The following CACNA1G variants were observed in gnomAD, a reference collection of about 807,000 sequenced individuals.
The protein encoded by CACNA1G is calcium voltage-gated channel subunit alpha1 G, also known as voltage-dependent T-type calcium channel subunit alpha-1G.
A neutral mutation model predicts 219.4 loss-of-function variants in CACNA1G; 67 were observed. The ratio of observed to expected loss-of-function variants is 0.31; its 90% CI spans 0.25 to 0.37. CACNA1G has a LOEUF of 0.37. Ranked by LOEUF, CACNA1G falls within the 10% of genes least tolerant of loss-of-function variation. The pLI, the probability that CACNA1G is intolerant of heterozygous loss-of-function variation, is 1.00. For missense variants in CACNA1G, 2,380 were observed against 3,231.4 expected (o/e 0.74, Z 6.39); for synonymous variants, 1,296 against 1,345.3 (o/e 0.96, Z 0.80).
chr17:50,625,606 G>A (rs953490724), intron 37 of CACNA1G, among the ~76,000 whole-genome samples: 3 of 152,176 alleles, frequency 2.0e-5, no homozygotes, highest in Non-Finnish European at 4.4e-5. Context: ...ACCTGAGTCC[G>A]TAAAATCGAG....
chr17:50,626,991 C>A lies in CACNA1G; in HGVS notation c.*240C>A. ...CCCGGTGCAGCTGAGGTTCCCGACA[C>A]CAGAAGCTGTTGGGAGAAAGCAATA... On this transcript the variant is annotated 3_prime_UTR_variant, in exon 38 of 38. Transcript: ENST00000359106. This position sits in a 1 kb window ranked among gnomAD's most constrained non-coding sequence, Gnocchi z 4.3. The A allele has an allele frequency of 1.5e-6, 1 of 680,510 alleles. No homozygotes were observed. Among genetic ancestry groups the A allele is most frequent in the Non-Finnish European group, 2.7e-6 (1 of 372,522 alleles). The allele number at this position is 680,510 out of a possible 1,614,324, so 42.2% of individuals were successfully genotyped here.
intron 22 of CACNA1G, among the ~76,000 whole-genome samples, chr17:50,604,550 G>A (rs1180261671): frequency 3.3e-5 from 5 of 152,244 alleles, no homozygotes; most frequent in Non-Finnish European, 5.9e-5. Context: ...CCCTCTGCAC[G>A]CACTCCCTGA....
chr17:50,624,616 C>A, intron 37 of CACNA1G, 87 bp downstream of exon 37: 1 of 1,272,264 alleles, frequency 7.9e-7, no homozygotes, highest in Non-Finnish European at 1.1e-6. Context: ...TTCATTCTTC[C>A]AGCAAATATT....
intron 9 of CACNA1G, among the ~76,000 whole-genome samples, chr17:50,586,024 C>G (rs1435976697): frequency 6.6e-6 from 1 of 152,156 alleles, no homozygotes; most frequent in Non-Finnish European, 1.5e-5. Context: ...CTCTGCTCAG[C>G]TCTGACGAGG....
intron 27 of CACNA1G, 49 bp from the exon 28 acceptor site, chr17:50,616,226 C>T (rs2050568355): frequency 8.3e-7 from 1 of 1,202,354 alleles, no homozygotes; most frequent in Admixed American, 1.8e-5. Flanking sequence ...GGGACAAGCC[C>T]CAGCCCTGGG....
chr17:50,566,765 G>T (rs2037989219), intron 1 of CACNA1G, among the ~76,000 whole-genome samples: 1 of 152,212 alleles, frequency 6.6e-6, no homozygotes, highest in Non-Finnish European at 1.5e-5. Flanking sequence ...CTCCGTGCCA[G>T]GCACTACAGC....
chr17:50,561,358 A>G lies in CACNA1G; in HGVS notation c.-102A>G. The G allele has an allele frequency of 6.9e-7, 1 of 1,453,900 alleles. No individual in the cohort carries two copies. The highest frequency in any genetic ancestry group is 9.3e-7 in the Non-Finnish European group (1 of 1,077,376). 90.1% of individuals were successfully genotyped at this position (1,453,900 alleles called of 1,614,324 possible). On this transcript the variant is annotated 5_prime_UTR_variant, in exon 1 of 38. Coordinates refer to ENST00000359106, the MANE Select transcript of CACNA1G (RefSeq NM_018896.5). ...CTCAGCTTGCGCCCTAGAGCCCACC[A>G]GATGTGCCCCCGCCGGGGCCCCCGG...
chr17:50,606,860 T>G, intron 23 of CACNA1G, 40 bp from the exon 24 acceptor site: 1 of 1,472,242 alleles, frequency 6.8e-7, no homozygotes, highest in South Asian at 1.1e-5. Context: ...CAGCCACACA[T>G]CCTAGACTTC....
chr17:50,572,073 G>A (rs746875408), intron 5 of CACNA1G, 36 bp downstream of exon 5: 28 of 1,597,602 alleles, frequency 1.8e-5, no homozygotes, highest in African/African-American at 1.1e-4. Flanking sequence ...GGACCTGGGA[G>A]TGGTTATGGG....
rs983364316 is a variant in CACNA1G, at chr17:50,617,331, C to A, written c.5022-107C>A. 2 of 1,270,982 alleles carry A rather than the reference C, an allele frequency of 1.6e-6. No individual in the cohort carries two copies. Among genetic ancestry groups the A allele is most frequent in the Non-Finnish European group, 2.2e-6 (2 of 926,864 alleles). 78.7% of individuals were successfully genotyped at this position (1,270,982 alleles called of 1,614,324 possible). The stretch of plus-strand genomic sequence containing the variant: ...TCTCTGTGGGATGGGAGGCTGGACC[C>A]GCTGATGTCTGCCCTCCTTTCAAGC... On this transcript the variant is annotated intron_variant, in intron 28 of 37. Transcript: ENST00000359106. The surrounding 1 kb of genome is among the most constrained non-coding windows in gnomAD (Gnocchi z 5.8).
At chr17:50,590,974 C>T (rs12937450) in intron 10 of CACNA1G, among the ~76,000 whole-genome samples, 65,364 of 151,894 alleles carry the variant, frequency 0.43, 14,885 homozygotes, top group East Asian at 0.89. Context: ...GTATGAGGCC[C>T]AGCCAGCTGC....
At chr17:50,561,779 A>T in intron 1 of CACNA1G, 78 bp downstream of exon 1, 1 of 1,134,420 alleles carries the variant, frequency 8.8e-7, no homozygotes, top group Non-Finnish European at 1.1e-6. Flanking sequence ...GGGGGGAAGA[A>T]GACCCACCGC....
chr17:50,576,489 C>T (rs945587322), intron 8 of CACNA1G, among the ~76,000 whole-genome samples, 163 bp downstream of exon 8: 2 of 152,202 alleles, frequency 1.3e-5, no homozygotes, highest in Non-Finnish European at 1.5e-5. Flanking sequence ...GCTATGAGCT[C>T]GAATTTTCTC....
chr17:50,593,535 G>A (rs1157888924), intron 13 of CACNA1G, among the ~76,000 whole-genome samples: 2 of 152,266 alleles, frequency 1.3e-5, no homozygotes, highest in Non-Finnish European at 2.9e-5. Context: ...GCAGCTGAGC[G>A]GCCTGGTTGC....
chr17:50,599,528 A>T lies in CACNA1G; in HGVS notation c.3359A>T (p.Lys1120Met), dbSNP rs752054817. 1 of 1,612,040 alleles carries T rather than the reference A, an allele frequency of 6.2e-7. No individual in the cohort carries two copies. Among genetic ancestry groups the T allele is most frequent in the Non-Finnish European group, 8.5e-7 (1 of 1,179,196 alleles). Residue 1120 changes from lysine to methionine, a missense_variant, in exon 17 of 38, where the codon AAG becomes ATG. Physicochemically the swap from Lys to Met is moderately conservative, Grantham distance 95. Around this residue, in one of 17 missense-constraint regions of CACNA1G, gnomAD observed 418 missense variants for 434.3 expected, o/e 0.96. Transcript: ENST00000359106. ...AGCCTCGGCCGTGCACCCAGCCTGA[A>T]GCGGAGAAGCCCAAGTGGAGAGCGG... The part of the protein sequence containing the change: ...RNSLGRAPSL[K>M]RRSPSGERRS...
At chr17:50,584,289 G>C (rs141028382) in intron 9 of CACNA1G, among the ~76,000 whole-genome samples, 4 of 152,042 alleles carry the variant, frequency 2.6e-5, no homozygotes, top group Non-Finnish European at 4.4e-5. Context: ...TGGAGGGAGC[G>C]GGCTTAGACT....
At chr17:50,562,883 G>A (rs892591610) in intron 1 of CACNA1G, among the ~76,000 whole-genome samples, 3 of 152,130 alleles carry the variant, frequency 2.0e-5, no homozygotes, top group Non-Finnish European at 2.9e-5. Flanking sequence ...AGCTCAAAGC[G>A]CCACTTGACA....
intron 35 of CACNA1G, among the ~76,000 whole-genome samples, chr17:50,622,220 G>A (rs1166299052): frequency 3.6e-5 from 4 of 109,988 alleles, no homozygotes; most frequent in South Asian, 3.3e-4. Context: ...TTCACACCAC[G>A]TGGTGGGTGA....
chr17:50,570,663 A>G (rs917119679), intron 4 of CACNA1G, among the ~76,000 whole-genome samples: 18 of 151,494 alleles, frequency 1.2e-4, no homozygotes, highest in Admixed American at 3.9e-4. Context: ...TGGTGTTAAC[A>G]GGAGCTCCAG....
Sources: gnomAD v4.1 joint callset for allele counts (sites outside exome capture counted in the v4.1 genomes callset) on GRCh38, gnomAD v4.1.1 for gene constraint, gnomAD v4.1.1 regional missense constraint, Gnocchi (gnomAD v3.1) non-coding constraint, MANE v1.5 for transcripts, NCBI Gene and HGNC (gene_info 2026-07-23, HGNC 2026-07-21) for gene names.